Variants in SH3RF1 observed in about 807,000 individuals in gnomAD.
The protein encoded by SH3RF1 is SH3 domain containing ring finger 1, also known as E3 ubiquitin-protein ligase SH3RF1.
Under a neutral mutation model 74.0 loss-of-function variants are expected in SH3RF1, and 32 were observed. That is an observed-to-expected ratio of 0.43 (90% CI 0.33 to 0.58). SH3RF1 has a LOEUF of 0.58. SH3RF1 is among the 20% of genes least tolerant of loss of function. The probability of loss-of-function intolerance (pLI) is 0.05; values close to 1 mark genes in which losing one functional copy is unlikely to be tolerated. For synonymous variants in SH3RF1, 396 were observed against 439.6 expected (o/e 0.90, Z 1.24); for missense variants, 954 against 1,130.9 (o/e 0.84, Z 2.24).
intron 11 of SH3RF1, among the ~76,000 whole-genome samples, chr4:169,098,446 T>C (rs1458134459): frequency 6.6e-6 from 1 of 152,138 alleles, no homozygotes; most frequent in African/African-American, 2.4e-5. Flanking sequence ...TCCCATTCCA[T>C]ATAAACCAAA....
rs1245733211 is a variant in SH3RF1 at position 169,268,867 on chromosome 4, G to A, written c.346C>T (p.Gln116Ter). Residue 116 changes from glutamine to a stop codon, truncating the protein, a stop_gained, in exon 2 of 12, where the codon CAG becomes TAG. Transcript: ENST00000284637. LOFTEE classifies it high-confidence loss of function. ...TGCACCCGAGGCTGCTGTCCGCCCT[G>A]GGAGCTCTGCAGATCTTTTGAGCTA... Reference protein sequence around the residue: ...NCSSKDLQSSQGGQQPRVQSW... With the variant: ...NCSSKDLQSS 1.2e-6 allele frequency: 2 copies of A among 1,611,620 alleles called. No homozygotes were observed. The highest frequency in any genetic ancestry group is 1.7e-6 in the Non-Finnish European group (2 of 1,179,430).
At chr4:169,209,587 G>A (rs1730323780) in intron 2 of SH3RF1, among the ~76,000 whole-genome samples, 4 of 152,132 alleles carry the variant, frequency 2.6e-5, no homozygotes, top group African/African-American at 9.7e-5. Context: ...TTAGCTCATG[G>A]TGAGAGTCAG....
intron 2 of SH3RF1, among the ~76,000 whole-genome samples, chr4:169,260,340 A>ACTG (rs1731257786): frequency 6.6e-6 from 1 of 152,170 alleles, no homozygotes; most frequent in Non-Finnish European, 1.5e-5. Flanking sequence ...ATGGAGAAGG[A>ACTG]CTGCTTTCCT....
intron 6 of SH3RF1, among the ~76,000 whole-genome samples, chr4:169,125,938 T>C (rs1054502487): frequency 6.6e-6 from 1 of 152,216 alleles, no homozygotes; most frequent in African/African-American, 2.4e-5. Context: ...AATTTTTTGT[T>C]CCACATTTGA....
intron 2 of SH3RF1, among the ~76,000 whole-genome samples, chr4:169,256,366 A>G (rs562299397): frequency 2.6e-5 from 4 of 152,020 alleles, no homozygotes; most frequent in African/African-American, 9.6e-5. Context: ...GTTGCTCTCC[A>G]TTTCCTTTTA....
intron 2 of SH3RF1, among the ~76,000 whole-genome samples, chr4:169,170,712 C>G (rs1734313532): frequency 6.6e-6 from 1 of 152,126 alleles, no homozygotes; most frequent in Non-Finnish European, 1.5e-5. Context: ...CTATATAGAT[C>G]TGCCAGATTC....
chr4:169,117,998 C>T (rs993422373), intron 8 of SH3RF1, among the ~76,000 whole-genome samples: 2 of 152,216 alleles, frequency 1.3e-5, no homozygotes, highest in African/African-American at 4.8e-5. Context: ...CCAGAAACCA[C>T]ACGTCATACT....
At chr4:169,162,838 T>G (rs1734171500) in intron 2 of SH3RF1, among the ~76,000 whole-genome samples, 1 of 152,190 alleles carries the variant, frequency 6.6e-6, no homozygotes, top group Admixed American at 6.5e-5. Flanking sequence ...GAATGTGGGC[T>G]GACCAAGGCC....
At chr4:169,100,990 T>G (rs541815698) in intron 11 of SH3RF1, among the ~76,000 whole-genome samples, 161 of 152,152 alleles carry the variant, frequency 1.1e-3, no homozygotes, top group Non-Finnish European at 2.0e-3. Context: ...CTGTGAAATC[T>G]CCAGCCCCAT....
At position 169,234,325 on chromosome 4, in the gene SH3RF1, C is replaced by A. The variant is rs80107368; in HGVS notation, c.393+34495G>T. Among the ~76,000 whole-genome samples, 8 of 152,166 alleles carry A rather than the reference C, an allele frequency of 5.3e-5. No individual in the cohort carries two copies. The East Asian group carries it at 1.5e-3, about 29-fold the overall frequency. On this transcript the variant is annotated intron_variant, in intron 2 of 11. Coordinates refer to ENST00000284637, the MANE Select transcript of SH3RF1 (RefSeq NM_020870.4). ...CAAAAGAAACACCCTCCCCACCCCC[C>A]AAAAAGAATTATTCAGTCTAAAATG...
At chr4:169,180,268 A>G (rs984082530) in intron 2 of SH3RF1, among the ~76,000 whole-genome samples, 1 of 152,194 alleles carries the variant, frequency 6.6e-6, no homozygotes, top group Non-Finnish European at 1.5e-5. Flanking sequence ...AGAAAAGAAG[A>G]GTTAAACTGA....
intron 4 of SH3RF1, among the ~76,000 whole-genome samples, chr4:169,141,465 A>T (rs539501178): frequency 6.6e-6 from 1 of 152,332 alleles, no homozygotes; most frequent in African/African-American, 2.4e-5. Flanking sequence ...ATCAAAGTGT[A>T]AGTTTAAAAA....
chr4:169,190,572 G>T (rs1347629454), intron 2 of SH3RF1, among the ~76,000 whole-genome samples: 1 of 151,186 alleles, frequency 6.6e-6, no homozygotes, highest in Non-Finnish European at 1.5e-5. Context: ...GACTGAAATG[G>T]TCATTTTAAA....
chr4:169,242,402 T>A (rs551156273), intron 2 of SH3RF1, among the ~76,000 whole-genome samples: 1 of 152,372 alleles, frequency 6.6e-6, no homozygotes, highest in South Asian at 2.1e-4. Flanking sequence ...AAAAGAGATT[T>A]GAAATATTAA....
chr4:169,236,305 A>C (rs556154398), intron 2 of SH3RF1, among the ~76,000 whole-genome samples: 1 of 152,302 alleles, frequency 6.6e-6, no homozygotes, highest in East Asian at 1.9e-4. Flanking sequence ...CGACTTGCCA[A>C]TTCCCTTCCT....
intron 4 of SH3RF1, among the ~76,000 whole-genome samples, chr4:169,145,178 A>C (rs1036527764): frequency 6.6e-6 from 1 of 152,212 alleles, no homozygotes; most frequent in African/African-American, 2.4e-5. Flanking sequence ...TCACGAAATC[A>C]ACCTGAGTGT....
chr4:169,255,614 T>TACAC (rs1192993515), intron 2 of SH3RF1, among the ~76,000 whole-genome samples: 72 of 59,152 alleles, frequency 1.2e-3, no homozygotes, highest in East Asian at 3.8e-3. Context: ...CACACATACA[T>TACAC]ACACACATAC....
Position 169,106,827 on chromosome 4 carries a change from T to C in SH3RF1, c.2498+20A>G. 6.6e-7 allele frequency: 1 copy of C among 1,521,954 alleles called. No individual in the cohort carries two copies. The highest frequency in any genetic ancestry group is 1.4e-5 in the African/African-American group (1 of 71,972). 94.3% of individuals were successfully genotyped at this position (1,521,954 alleles called of 1,614,324 possible). Reference sequence around the variant, plus strand: ...TATTGTTCATTTTTTAGTTTTTTCCTGGAACGAAGTTGAACTTACCTTTCA... The same window carrying C: ...TATTGTTCATTTTTTAGTTTTTTCCCGGAACGAAGTTGAACTTACCTTTCA... On this transcript the variant is annotated intron_variant, in intron 11 of 11. Transcript: ENST00000284637.
At chr4:169,106,714 T>G (rs1733144774) in intron 11 of SH3RF1, 133 bp downstream of exon 11, 1 of 726,238 alleles carries the variant, frequency 1.4e-6, no homozygotes, top group Admixed American at 3.2e-5. Flanking sequence ...AGAAATTCAG[T>G]GCTTATTTTC....
Sources: allele counts gnomAD v4.1 joint callset (sites outside exome capture counted in the v4.1 genomes callset), GRCh38; gene constraint gnomAD v4.1.1; transcripts MANE v1.5; gene names NCBI Gene and HGNC (gene_info 2026-07-23, HGNC 2026-07-21).